ZRANB3: variants seen among roughly 807,000 people sequenced by gnomAD.
The protein encoded by ZRANB3 is DNA annealing helicase and endonuclease ZRANB3.
ZRANB3 carries 125 observed loss-of-function variants against 133.8 expected under a neutral mutation model. That is an observed-to-expected ratio of 0.93 (90% CI 0.81 to 1.08). ZRANB3 has a LOEUF of 1.08. Ranked by LOEUF, ZRANB3 falls within the 50% of genes least tolerant of loss-of-function variation. The pLI is 0.00. For missense variants in ZRANB3, 1,229 were observed against 1,275.5 expected (o/e 0.96, Z 0.56); for synonymous variants, 387 against 432.7 (o/e 0.89, Z 1.31).
rs565317117 is a variant in ZRANB3, at chr2:135,485,601, T to C, written c.161+18728A>G. The stretch of plus-strand genomic sequence containing the variant: ...AAACATGGCATTTAATCTTTATAGT[T>C]GGTCACAATACTGTCAGAATGATAC... On this transcript the variant is annotated intron_variant, in intron 2 of 20. Transcript: ENST00000264159. 2.0e-5 allele frequency among the ~76,000 whole-genome samples: 3 copies of C among 152,310 alleles called. No homozygotes were observed. The South Asian group carries it at 6.2e-4, about 32-fold the overall frequency.
intron 4 of ZRANB3, among the ~76,000 whole-genome samples, chr2:135,352,169 TA>T (rs1030281086): frequency 6.6e-6 from 1 of 151,676 alleles, no homozygotes; most frequent in African/African-American, 2.4e-5. Context: ...CCATCTCTGC[TA>T]AAAATAAAAA....
intron 2 of ZRANB3, among the ~76,000 whole-genome samples, chr2:135,402,546 G>A (rs764018806): frequency 2.0e-5 from 3 of 151,320 alleles, no homozygotes; most frequent in Admixed American, 6.6e-5. Flanking sequence ...CACCCAACTC[G>A]GCCTCCCAAT....
rs138094198 is a variant in ZRANB3 at position 135,269,063 on chromosome 2, C to T, written c.1285G>A (p.Asp429Asn). ...CACTGGCCAATTCTGTGAGCTCGGT[C>T]TTCTGCTTGTTTTATATGTCCAGGG... is the stretch of plus-strand genomic sequence containing the variant. ...WDPGHIKQAE[D>N]RAHRIGQCSS... The change falls in exon 11 of 21, where the codon GAC becomes AAC. Residue 429 changes from aspartate (D) to asparagine (N), a missense_variant. Physicochemically the swap from Asp to Asn is conservative, Grantham distance 23. Coordinates refer to ENST00000264159, the MANE Select transcript of ZRANB3 (RefSeq NM_032143.4). 142 of 1,613,052 alleles carry T rather than the reference C, an allele frequency of 8.8e-5. No homozygotes were observed. The East Asian group carries it at 3.0e-3, about 34-fold the overall frequency.
intron 8 of ZRANB3, among the ~76,000 whole-genome samples, chr2:135,304,952 C>A (rs372357611): frequency 6.6e-6 from 1 of 151,916 alleles, no homozygotes; most frequent in Non-Finnish European, 1.5e-5. Flanking sequence ...AAGTTTTATT[C>A]GTTCAAAACA....
chr2:135,324,680 C>T (rs1367967289), intron 6 of ZRANB3, among the ~76,000 whole-genome samples: 1 of 152,138 alleles, frequency 6.6e-6, no homozygotes, highest in Admixed American at 6.5e-5. Context: ...ATGGTTGAAA[C>T]AGTTTACAGT....
intron 2 of ZRANB3, among the ~76,000 whole-genome samples, chr2:135,405,911 G>C (rs370105228): frequency 2.0e-5 from 3 of 152,104 alleles, no homozygotes; most frequent in South Asian, 2.1e-4. Context: ...ATTAAAAGAA[G>C]TAGAGAAGCA....
rs1210727893 is a variant in ZRANB3 at position 135,345,023 on chromosome 2, T to A, written c.677+527A>T. On this transcript the variant is annotated intron_variant, in intron 6 of 20. Transcript: ENST00000264159. Reference sequence around the variant, plus strand: ...AGACAAGAGTGGAAGAAACACTTAGTTTTTACTTTTGTATAATTTACATGT... The same window carrying A: ...AGACAAGAGTGGAAGAAACACTTAGATTTTACTTTTGTATAATTTACATGT... 3 of 152,390 alleles carry A rather than the reference T, an allele frequency of 2.0e-5. No homozygotes were observed. In the East Asian group the frequency reaches 5.8e-4, roughly 29 times the overall value. 9.4% of individuals were successfully genotyped at this position (152,390 alleles called of 1,614,324 possible). A position where few individuals can be genotyped will look rare whatever the true frequency, so the allele number is the denominator to read the frequency against.
chr2:135,403,953 C>T lies in ZRANB3; in HGVS notation c.162-13133G>A, dbSNP rs550855293. ...CATCCACAGCAAAATCCCATCGGTA[C>T]GTCACCATCATCAAAGACCAAAGGT... On this transcript the variant is annotated intron_variant, in intron 2 of 20. Transcript: ENST00000264159. 5.9e-5 allele frequency among the ~76,000 whole-genome samples: 9 copies of T among 152,200 alleles called. No individual in the cohort carries two copies. The South Asian group carries it at 1.7e-3, about 28-fold the overall frequency.
intron 2 of ZRANB3, among the ~76,000 whole-genome samples, chr2:135,453,020 T>G (rs1690342806): frequency 6.6e-6 from 1 of 152,252 alleles, no homozygotes; most frequent in Non-Finnish European, 1.5e-5. Flanking sequence ...AGCAAACTTT[T>G]GCCTGGGCAT....
intron 2 of ZRANB3, among the ~76,000 whole-genome samples, chr2:135,474,570 T>C (rs1218373302): frequency 2.6e-5 from 4 of 152,132 alleles, no homozygotes; most frequent in Non-Finnish European, 5.9e-5. Flanking sequence ...CCATATGACA[T>C]GCCTGCTCCT....
chr2:135,331,108 T>C (rs1283103543), intron 6 of ZRANB3, among the ~76,000 whole-genome samples: 1 of 152,210 alleles, frequency 6.6e-6, no homozygotes. Context: ...TGCTAGCTTT[T>C]GAATGTGTTT....
chr2:135,486,612 C>G (rs1408816246), intron 2 of ZRANB3, among the ~76,000 whole-genome samples: 1 of 151,990 alleles, frequency 6.6e-6, no homozygotes, highest in Non-Finnish European at 1.5e-5. Context: ...CTCCCAGGTT[C>G]AGGCAATTCT....
At chr2:135,484,936 A>G (rs964534088) in intron 2 of ZRANB3, among the ~76,000 whole-genome samples, 8 of 151,728 alleles carry the variant, frequency 5.3e-5, no homozygotes, top group African/African-American at 1.7e-4. Context: ...CTCGGGAGGT[A>G]GAGGTGGGAG....
intron 2 of ZRANB3, among the ~76,000 whole-genome samples, chr2:135,472,803 G>C (rs927710606): frequency 1.3e-5 from 2 of 152,056 alleles, no homozygotes; most frequent in African/African-American, 2.4e-5. Flanking sequence ...ACAAACAGGA[G>C]GCTGTTAATA....
chr2:135,241,391 T>C lies in ZRANB3; in HGVS notation c.1540-10464A>G, dbSNP rs115501480. On this transcript the variant is annotated intron_variant, in intron 12 of 20. Coordinates refer to ENST00000264159, the MANE Select transcript of ZRANB3 (RefSeq NM_032143.4). ...TTTTTTTTTTTTTTTTACCGTATTC[T>C]CATTTTATTTTTATGGGCAATATAA... is the stretch of plus-strand genomic sequence containing the variant. Among the ~76,000 whole-genome samples the C allele has an allele frequency of 3.2e-3, 477 of 151,234 alleles. 2 individuals are homozygous for C. The highest frequency in any genetic ancestry group is 0.01 in the African/African-American group (421 of 41,314).
intron 2 of ZRANB3, among the ~76,000 whole-genome samples, chr2:135,494,233 G>A (rs533096373): frequency 1.6e-3 from 230 of 146,710 alleles, no homozygotes; most frequent in African/African-American, 5.6e-3. Context: ...GCATGAACCC[G>A]AGAGGCGGAG....
chr2:135,474,551 C>T (rs1183134866), intron 2 of ZRANB3, among the ~76,000 whole-genome samples: 1 of 152,052 alleles, frequency 6.6e-6, no homozygotes, highest in Non-Finnish European at 1.5e-5. Context: ...TCTCTTGCTC[C>T]CTCTCTCACC....
intron 2 of ZRANB3, among the ~76,000 whole-genome samples, chr2:135,466,120 C>T (rs1396451732): frequency 6.6e-6 from 1 of 152,076 alleles, no homozygotes; most frequent in South Asian, 2.1e-4. Flanking sequence ...TGGTGGCTCA[C>T]GCCTATAATC....
intron 5 of ZRANB3, among the ~76,000 whole-genome samples, chr2:135,346,255 C>T (rs1016585043): frequency 6.6e-6 from 1 of 152,098 alleles, no homozygotes; most frequent in Admixed American, 6.6e-5. Context: ...CACCACCATG[C>T]CCGGCTAATT....
Sources: allele counts gnomAD v4.1 joint callset (sites outside exome capture counted in the v4.1 genomes callset), GRCh38; gene constraint gnomAD v4.1.1; transcripts MANE v1.5; gene names NCBI Gene and HGNC (gene_info 2026-07-23, HGNC 2026-07-21).